The following NPAS3 variants were observed in gnomAD, a reference collection of about 807,000 sequenced individuals.
NPAS3 encodes neuronal PAS domain-containing protein 3.
Under a neutral mutation model 73.1 loss-of-function variants are expected in NPAS3, and 14 were observed. That is an observed-to-expected ratio of 0.19 (90% CI 0.13 to 0.30). The LOEUF (loss-of-function observed/expected upper bound fraction) is 0.30. NPAS3 is among the 10% of genes least tolerant of loss of function. NPAS3 has a pLI of 1.00. For missense variants in NPAS3, 1,096 were observed against 1,250.0 expected (o/e 0.88, Z 1.86); for synonymous variants, 620 against 541.5 (o/e 1.14, Z -2.01).
chr14:33,665,583 C>T (rs1014712528), intron 5 of NPAS3, among the ~76,000 whole-genome samples: 5 of 152,262 alleles, frequency 3.3e-5, no homozygotes, highest in African/African-American at 9.6e-5. Flanking sequence ...GTGATATGCT[C>T]ATTCCACATT....
intron 2 of NPAS3, among the ~76,000 whole-genome samples, chr14:33,079,505 A>G (rs1294921974): frequency 6.8e-6 from 1 of 146,238 alleles, no homozygotes; most frequent in African/African-American, 2.5e-5. Flanking sequence ...TTTAGTAGAG[A>G]TGGGGTTTCA....
At chr14:33,295,195 C>T (rs1167816232) in intron 3 of NPAS3, among the ~76,000 whole-genome samples, 1 of 152,076 alleles carries the variant, frequency 6.6e-6, no homozygotes, top group African/African-American at 2.4e-5. Context: ...TAGCACAAAA[C>T]AATGGAGCGT....
chr14:33,656,214 G>C (rs993916647), intron 5 of NPAS3, among the ~76,000 whole-genome samples: 1 of 152,224 alleles, frequency 6.6e-6, no homozygotes, highest in Non-Finnish European at 1.5e-5. Flanking sequence ...GCACAATTAA[G>C]TACTGTGCTA....
chr14:33,039,230 C>T (rs1160150890), intron 1 of NPAS3, among the ~76,000 whole-genome samples: 1 of 152,158 alleles, frequency 6.6e-6, no homozygotes, highest in Non-Finnish European at 1.5e-5. Flanking sequence ...ACATTCATGA[C>T]TGCTTTTATT....
intron 5 of NPAS3, among the ~76,000 whole-genome samples, chr14:33,591,995 A>T (rs1214276774): frequency 6.6e-6 from 1 of 152,068 alleles, no homozygotes; most frequent in Non-Finnish European, 1.5e-5. Context: ...CATTGCTGTG[A>T]TGTAGATGGA....
At chr14:33,763,930 G>T (rs1359789200) in intron 7 of NPAS3, among the ~76,000 whole-genome samples, 14 of 151,276 alleles carry the variant, frequency 9.3e-5, no homozygotes, top group African/African-American at 3.4e-4. Context: ...TGTTATTTGT[G>T]GTTTCCCCTT....
At chr14:33,494,440 G>A (rs72680184) in intron 4 of NPAS3, among the ~76,000 whole-genome samples, 2,191 of 152,214 alleles carry the variant, frequency 0.014, 26 homozygotes, top group Non-Finnish European at 0.023. Context: ...ATGATGGGAC[G>A]TACTGACTGT....
chr14:33,324,162 C>A (rs756187331), intron 3 of NPAS3, among the ~76,000 whole-genome samples: 2 of 152,146 alleles, frequency 1.3e-5, no homozygotes, highest in Non-Finnish European at 2.9e-5. Flanking sequence ...TTCCTGCAGT[C>A]TGCCAGTGGA....
intron 4 of NPAS3, among the ~76,000 whole-genome samples, chr14:33,514,993 T>A (rs2140044914): frequency 6.6e-6 from 1 of 152,252 alleles, no homozygotes; most frequent in South Asian, 2.1e-4. Flanking sequence ...CCCCATTTTA[T>A]ATGGAAGAAA....
intron 4 of NPAS3, among the ~76,000 whole-genome samples, chr14:33,428,493 G>C (rs550549905): frequency 6.6e-6 from 1 of 152,134 alleles, no homozygotes; most frequent in African/African-American, 2.4e-5. Context: ...AAATAAAGTA[G>C]TGTAAATTAC....
intron 4 of NPAS3, among the ~76,000 whole-genome samples, chr14:33,475,271 T>C (rs1459613580): frequency 1.3e-5 from 2 of 152,198 alleles, no homozygotes; most frequent in Admixed American, 1.3e-4. Context: ...TTAAGAATAA[T>C]GGCATGGAAT....
intron 7 of NPAS3, among the ~76,000 whole-genome samples, chr14:33,746,891 C>A (rs1453859077): frequency 2.7e-5 from 4 of 146,866 alleles, no homozygotes; most frequent in East Asian, 1.9e-4. Context: ...CTATCCCTCC[C>A]CCGTCCCCCC....
At chr14:33,013,195 C>T (rs1482698167) in intron 1 of NPAS3, among the ~76,000 whole-genome samples, 3 of 152,178 alleles carry the variant, frequency 2.0e-5, no homozygotes, top group Non-Finnish European at 2.9e-5. Flanking sequence ...CATCATACAA[C>T]AAATGAGAAT....
intron 7 of NPAS3, among the ~76,000 whole-genome samples, chr14:33,761,363 A>G (rs1236983239): frequency 6.6e-6 from 1 of 152,192 alleles, no homozygotes; most frequent in Admixed American, 6.5e-5. Flanking sequence ...TCTGGGTGGA[A>G]GTCTGCATAT....
chr14:33,051,142 C>T (rs956626193), intron 1 of NPAS3, among the ~76,000 whole-genome samples: 3 of 151,238 alleles, frequency 2.0e-5, no homozygotes, highest in African/African-American at 4.9e-5. Flanking sequence ...GGCGCGGTGG[C>T]GGGCGCCTGT....
chr14:33,562,239 A>C (rs766512654), intron 5 of NPAS3, among the ~76,000 whole-genome samples: 21 of 152,218 alleles, frequency 1.4e-4, no homozygotes, highest in Non-Finnish European at 2.2e-4. Context: ...AATCTGAGAC[A>C]AATAATTGAC....
In NPAS3 at chr14:33,355,593, C is replaced by T. The variant is rs751050376; in HGVS notation, c.386-11593C>T. On this transcript the variant is annotated intron_variant, in intron 3 of 11. Coordinates refer to ENST00000356141, the Ensembl canonical transcript of NPAS3. ...GGTTCCAGGCGTGAGCCACTGTGCC[C>T]AGGCAACCTGTTACTTTTTTACAGT... Among the ~76,000 whole-genome samples, 59 of 152,310 alleles carry T rather than the reference C, an allele frequency of 3.9e-4. 1 individual carries two copies. Among genetic ancestry groups the T allele is most frequent in the Non-Finnish European group, 7.6e-4 (52 of 68,020 alleles).
chr14:33,373,712 T>C (rs2046196246), intron 4 of NPAS3, among the ~76,000 whole-genome samples: 1 of 152,148 alleles, frequency 6.6e-6, no homozygotes, highest in African/African-American at 2.4e-5. Context: ...AGGTAAACCC[T>C]CTTGTATCTA....
intron 2 of NPAS3, among the ~76,000 whole-genome samples, chr14:33,141,284 G>A (rs1358374733): frequency 6.6e-6 from 1 of 152,162 alleles, no homozygotes; most frequent in African/African-American, 2.4e-5. Flanking sequence ...TCCTGCTTCA[G>A]TTTTGTTACT....
Sources: allele counts gnomAD v4.1 joint callset (sites outside exome capture counted in the v4.1 genomes callset), GRCh38; gene constraint gnomAD v4.1.1; transcripts MANE v1.5; gene names NCBI Gene and HGNC (gene_info 2026-07-23, HGNC 2026-07-21).